FAT3: variants seen among roughly 807,000 people sequenced by gnomAD.
The protein encoded by FAT3 is FAT atypical cadherin 3.
Under a neutral mutation model 310.2 loss-of-function variants are expected in FAT3, and 95 were observed. The observed-to-expected ratio is 0.31, with a 90% CI of 0.26 to 0.36. The LOEUF (loss-of-function observed/expected upper bound fraction) is 0.36. Among genes scored for constraint, FAT3 ranks in the 10% least tolerant of loss-of-function variants. The pLI, the probability that FAT3 is intolerant of heterozygous loss-of-function variation, is 1.00. For synonymous variants in FAT3, 2,314 were observed against 2,192.9 expected (o/e 1.06, Z -1.54); for missense variants, 5,408 against 5,715.6 (o/e 0.95, Z 1.74).
intron 3 of FAT3, among the ~76,000 whole-genome samples, chr11:92,563,991 T>C (rs1427076749): frequency 6.6e-6 from 1 of 150,404 alleles, no homozygotes; most frequent in African/African-American, 2.4e-5. Context: ...ACGAGCAAAA[T>C]AACCAGCTAA....
rs1401184276 is a variant in FAT3 at position 92,354,356 on chromosome 11, T to G, written c.2244T>G (p.Ile748Met). The G allele has an allele frequency of 1.2e-6, 2 of 1,613,926 alleles. No homozygotes were observed. The highest frequency in any genetic ancestry group is 1.7e-6 in the Non-Finnish European group (2 of 1,179,856). ...DLPVGANILK[I>M]KAYDADSGFN... Reference sequence around the variant, plus strand: ...CAGTTGGTGCTAACATTCTGAAGATTAAAGCCTATGATGCCGACTCTGGCT... The same window carrying G: ...CAGTTGGTGCTAACATTCTGAAGATGAAAGCCTATGATGCCGACTCTGGCT... Residue 748 changes from isoleucine (I) to methionine (M), a missense_variant, in exon 2 of 28, where the codon ATT becomes ATG. Around this residue, in one of 5 missense-constraint regions of FAT3, gnomAD observed 4,588 missense variants for 4,809.8 expected, o/e 0.95. Coordinates refer to ENST00000525166, the MANE Select transcript of FAT3 (RefSeq NM_001367949.2).
At chr11:92,510,841 T>C (rs1953266235) in intron 2 of FAT3, among the ~76,000 whole-genome samples, 1 of 152,232 alleles carries the variant, frequency 6.6e-6, no homozygotes, top group Non-Finnish European at 1.5e-5. Flanking sequence ...CAGTGCATAA[T>C]TGCTCTCAAC....
At chr11:92,528,919 T>G (rs189109326) in intron 3 of FAT3, among the ~76,000 whole-genome samples, 8 of 152,326 alleles carry the variant, frequency 5.3e-5, no homozygotes, top group Non-Finnish European at 8.8e-5. Context: ...AAAGTCTGTG[T>G]AAGCTACAAG....
At chr11:92,457,631 A>T (rs1281713514) in intron 2 of FAT3, among the ~76,000 whole-genome samples, 1 of 152,210 alleles carries the variant, frequency 6.6e-6, no homozygotes, top group Non-Finnish European at 1.5e-5. Flanking sequence ...AAGTAAATAA[A>T]CTGAAATAGG....
At chr11:92,655,513 T>A (rs567990545) in intron 3 of FAT3, among the ~76,000 whole-genome samples, 1 of 152,302 alleles carries the variant, frequency 6.6e-6, no homozygotes, top group Non-Finnish European at 1.5e-5. Flanking sequence ...CATAAAACTC[T>A]CAGTAAAATA....
intron 3 of FAT3, among the ~76,000 whole-genome samples, chr11:92,625,676 G>A (rs2135683209): frequency 6.6e-6 from 1 of 152,150 alleles, no homozygotes; most frequent in South Asian, 2.1e-4. Flanking sequence ...ATGTTTTATG[G>A]GGTGAGGTAG....
chr11:92,864,892 A>G (rs10765566), intron 21 of FAT3, among the ~76,000 whole-genome samples: 1 of 152,050 alleles, frequency 6.6e-6, no homozygotes, highest in Non-Finnish European at 1.5e-5. Flanking sequence ...GTCTTTTTAC[A>G]TTTGCACATT....
rs902375404 is a variant in FAT3, at chr11:92,283,707, A to G, written c.-18+58533A>G. ...GCATGTCTTCATGTTTTCTGGAAGC[A>G]TTTGTTAAAGTGGCCCGTGCATAAA... On this transcript the variant is annotated intron_variant, in intron 1 of 27. Coordinates refer to ENST00000525166, the MANE Select transcript of FAT3 (RefSeq NM_001367949.2). Among the ~76,000 whole-genome samples the G allele has an allele frequency of 3.9e-5, 6 of 152,322 alleles. No homozygotes were observed. The East Asian group carries it at 7.7e-4, about 20-fold the overall frequency.
Position 92,882,790 on chromosome 11 carries a change from T to C in FAT3, c.12334T>C (p.Ser4112Pro), listed in dbSNP as rs2136408306. Residue 4112 changes from serine (S) to proline (P), a missense_variant, in exon 24 of 28, where the codon TCC (serine) becomes CCC (proline). Ser to Pro is a moderately conservative substitution (Grantham distance 74). This residue lies in a region of FAT3 where 649 missense variants were observed against 666.2 expected (regional missense o/e 0.97). Coordinates refer to ENST00000525166, the MANE Select transcript of FAT3 (RefSeq NM_001367949.2). Reference sequence around the variant, plus strand: ...ACGAGAGGAGTGTGAGAACGGAGGCTCCTGCGTGAACGTGTTCGGCTCCTT... The same window carrying C: ...ACGAGAGGAGTGTGAGAACGGAGGCCCCTGCGTGAACGTGTTCGGCTCCTT... Reference protein sequence around the residue: ...CEREECENGGSCVNVFGSFLC... With the variant: ...CEREECENGGPCVNVFGSFLC... 6.2e-7 allele frequency: 1 copy of C among 1,611,916 alleles called. No individual in the cohort carries two copies.
In FAT3 at chr11:92,837,774, T is replaced by G; in HGVS notation, c.10336T>G (p.Phe3446Val). Reference sequence around the variant, plus strand: ...TGATGTGAATGACAACAGCCCGGTGTTTACACCTGCCAACTATACTGCTGT... The same window carrying G: ...TGATGTGAATGACAACAGCCCGGTGGTTACACCTGCCAACTATACTGCTGT... ...ISDVNDNSPV[F>V]TPANYTAVIQ... The change falls in exon 17 of 28, where the codon TTT (phenylalanine) becomes GTT (valine). Residue 3446 changes from phenylalanine to valine, a missense_variant. Transcript: ENST00000525166. The G allele has an allele frequency of 1.2e-6, 2 of 1,613,984 alleles. No individual in the cohort carries two copies. Among genetic ancestry groups the G allele is most frequent in the Non-Finnish European group, 1.7e-6 (2 of 1,179,888 alleles).
At chr11:92,231,807 T>G (rs976295324) in intron 1 of FAT3, among the ~76,000 whole-genome samples, 1 of 65,886 alleles carries the variant, frequency 1.5e-5, no homozygotes, top group Non-Finnish European at 3.0e-5. Flanking sequence ...ATATCAGGGT[T>G]TTTTTTTTTT....
chr11:92,811,425 T>G (rs956682048), intron 13 of FAT3, among the ~76,000 whole-genome samples: 6 of 152,208 alleles, frequency 3.9e-5, no homozygotes, highest in African/African-American at 9.7e-5. Context: ...CCCAGGCTAC[T>G]AGACTGGACA....
intron 2 of FAT3, among the ~76,000 whole-genome samples, chr11:92,518,854 T>G (rs1372359412): frequency 6.6e-6 from 1 of 152,076 alleles, no homozygotes; most frequent in Non-Finnish European, 1.5e-5. Flanking sequence ...ATATGTAAGC[T>G]TTGTATACCG....
intron 1 of FAT3, among the ~76,000 whole-genome samples, chr11:92,228,984 T>G (rs1555062334): frequency 6.6e-6 from 1 of 152,226 alleles, no homozygotes; most frequent in Non-Finnish European, 1.5e-5. Flanking sequence ...GAAGAAGGAC[T>G]ATTGATGAAC....
intron 17 of FAT3, among the ~76,000 whole-genome samples, chr11:92,840,115 A>G (rs1948500017): frequency 1.3e-5 from 2 of 152,188 alleles, no homozygotes; most frequent in Non-Finnish European, 2.9e-5. Context: ...AAAAAATCTA[A>G]TGCTGTGACA....
In FAT3 at chr11:92,306,742, TAAATATATATAAATA is replaced by T. The variant is rs1565214849; in HGVS notation, c.-17-45353_-17-45339del. ...TATATATTATATATATATTTATATA[TAAATATATATAAATA>T]TATATATAAATAAATTATATATATA... On this transcript the variant is annotated intron_variant, in intron 1 of 27. Transcript: ENST00000525166. 8.8e-5 allele frequency among the ~76,000 whole-genome samples: 11 copies of T among 125,352 alleles called. No individual in the cohort carries two copies. In the East Asian group the frequency reaches 2.4e-3, roughly 28 times the overall value. 82.2% of individuals were successfully genotyped at this position (125,352 alleles called of 152,430 possible). A position where few individuals can be genotyped will look rare whatever the true frequency, so the allele number is the denominator to read the frequency against.
chr11:92,884,789 C>G (rs1565678975), intron 24 of FAT3, among the ~76,000 whole-genome samples: 1 of 152,044 alleles, frequency 6.6e-6, no homozygotes, highest in Non-Finnish European at 1.5e-5. Flanking sequence ...GGTGAGAGGT[C>G]AAGGTTAGAA....
At chr11:92,718,396 C>T (rs2852860) in intron 4 of FAT3, among the ~76,000 whole-genome samples, 23,577 of 151,936 alleles carry the variant, frequency 0.16, 1,953 homozygotes, top group African/African-American at 0.19. Context: ...GGTGAGGGTT[C>T]CTGCGCTCAA....
rs373759014 is a variant in FAT3 at position 92,890,580 on chromosome 11, T to C, written c.13237T>C (p.Ser4413Pro). 1.2e-6 allele frequency: 2 copies of C among 1,612,356 alleles called. No individual in the cohort carries two copies. Among genetic ancestry groups the C allele is most frequent in the South Asian group, 2.2e-5 (2 of 90,998 alleles). ...CAACTATGAGAACCAGGATGGAGGG[T>C]CTGCACACCAGGGGAGCACACGGGA... Reference protein sequence around the residue: ...VPNYENQDGGSAHQGSTRELE... With the variant: ...VPNYENQDGGPAHQGSTRELE... Residue 4413 changes from serine to proline, a missense_variant, in exon 28 of 28, where the codon TCT (serine) becomes CCT (proline). By Grantham distance (74) the Ser-to-Pro change is moderately conservative. This residue lies in a region of FAT3 where 649 missense variants were observed against 666.2 expected (regional missense o/e 0.97). Coordinates refer to ENST00000525166, the MANE Select transcript of FAT3 (RefSeq NM_001367949.2).
Sources: allele counts gnomAD v4.1 joint callset (sites outside exome capture counted in the v4.1 genomes callset), GRCh38; gene constraint gnomAD v4.1.1; regional missense constraint gnomAD v4.1.1; transcripts MANE v1.5; gene names NCBI Gene and HGNC (gene_info 2026-07-23, HGNC 2026-07-21).